Variants in M1AP observed in about 807,000 individuals in gnomAD.
M1AP encodes the protein meiosis 1 arrest protein.
M1AP carries 39 observed loss-of-function variants against 51.2 expected under a neutral mutation model. The observed-to-expected ratio is 0.76, with a 90% CI of 0.59 to 1.00. M1AP has a LOEUF of 1.00. M1AP is among the 50% of genes least tolerant of loss of function. The pLI, the probability that M1AP is intolerant of heterozygous loss-of-function variation, is 0.00. For synonymous variants in M1AP, 251 were observed against 249.2 expected, an observed-to-expected ratio of 1.01 and a Z score of -0.07; for missense variants, 545 against 641.2, an observed-to-expected ratio of 0.85 and a Z score of 1.62.
At chr2:74,630,787 G>C (rs1354075649) in intron 2 of M1AP, among the ~76,000 whole-genome samples, 3 of 152,088 alleles carry the variant, frequency 2.0e-5, no homozygotes, top group African/African-American at 7.2e-5. Flanking sequence ...TAGTGCTGCA[G>C]TAAACACATG....
In M1AP at chr2:74,639,917, T is replaced by TCGGGG. The variant is rs368121507; in HGVS notation, c.240+118_240+119insCCCCG. On this transcript the variant is annotated intron_variant, in intron 2 of 10. Coordinates refer to ENST00000421985, the MANE Select transcript of M1AP (RefSeq NM_001321739.2). Reference sequence around the variant, plus strand: ...TCTCATGGTGTTACTCGGGGGCTACTGTGTGTGGAGAAGTAGTGCGGTTAT... The same window carrying TCGGGG: ...TCTCATGGTGTTACTCGGGGGCTACTCGGGGGTGTGTGGAGAAGTAGTGCGGTTAT... 667 of 860,842 alleles carry TCGGGG rather than the reference T, an allele frequency of 7.7e-4. 4 individuals are homozygous for TCGGGG. In the African/African-American group the frequency reaches 9.6e-3, roughly 12 times the overall value. 53.3% of individuals were successfully genotyped at this position (860,842 alleles called of 1,614,324 possible).
intron 3 of M1AP, 107 bp from the exon 4 acceptor site, chr2:74,607,330 G>T: frequency 8.8e-7 from 1 of 1,131,670 alleles, no homozygotes; most frequent in Non-Finnish European, 1.3e-6. Context: ...CTGTGGTGGT[G>T]GCTATTATGT....
chr2:74,595,328 T>A (rs1177933110), intron 4 of M1AP, among the ~76,000 whole-genome samples: 3 of 152,220 alleles, frequency 2.0e-5, no homozygotes, highest in Non-Finnish European at 2.9e-5. Context: ...TTAAGTTTTT[T>A]AAAATACATG....
intron 1 of M1AP, among the ~76,000 whole-genome samples, chr2:74,646,064 T>G (rs541698922): frequency 6.6e-6 from 1 of 152,336 alleles, no homozygotes; most frequent in South Asian, 2.1e-4. Flanking sequence ...TATACTGATA[T>G]AGCGTACTGA....
At chr2:74,631,467 T>A (rs542458434) in intron 2 of M1AP, among the ~76,000 whole-genome samples, 105 of 152,308 alleles carry the variant, frequency 6.9e-4, no homozygotes, top group African/African-American at 2.4e-3. Flanking sequence ...TATTATATTA[T>A]CTTTCTTGGG....
At chr2:74,600,506 G>A (rs1483481442) in intron 4 of M1AP, among the ~76,000 whole-genome samples, 1 of 152,192 alleles carries the variant, frequency 6.6e-6, no homozygotes, top group Non-Finnish European at 1.5e-5. Context: ...AATTTATGAT[G>A]AAGATCCAGC....
intron 3 of M1AP, among the ~76,000 whole-genome samples, chr2:74,610,176 ATT>A (rs111535856): frequency 7.0e-6 from 1 of 142,560 alleles, no homozygotes; most frequent in Non-Finnish European, 1.5e-5. Flanking sequence ...TTATTTTTGT[ATT>A]TTTTTTTTTT....
rs568297168 is a variant in M1AP at position 74,583,611 on chromosome 2, G to A, written c.596-1764C>T. 4.6e-5 allele frequency among the ~76,000 whole-genome samples: 7 copies of A among 152,260 alleles called. No individual in the cohort carries two copies. The South Asian group carries it at 6.2e-4, about 14-fold the overall frequency. ...TCTACTTTCCTTGCTTCATCAGGAG[G>A]GATCTCTGAAATACTTTTACAAAGG... On this transcript the variant is annotated intron_variant, in intron 4 of 10. Transcript: ENST00000421985.
chr2:74,561,016 C>T (rs78351099), intron 8 of M1AP, among the ~76,000 whole-genome samples: 2,790 of 148,630 alleles, frequency 0.019, 94 homozygotes, highest in African/African-American at 0.065. Context: ...AATCCAGATC[C>T]CAGGAAGAGG....
chr2:74,558,682 T>G lies in M1AP; in HGVS notation c.*34A>C. On this transcript the variant is annotated 3_prime_UTR_variant, in exon 11 of 11. Coordinates refer to ENST00000421985, the MANE Select transcript of M1AP (RefSeq NM_001321739.2). ...TATGTGAACCTGAGCATGGATATGG[T>G]TAAGCTGGGCAGCTGGGCTCTGGTG... 6.2e-7 allele frequency: 1 copy of G among 1,610,000 alleles called. No homozygotes were observed. Among genetic ancestry groups the G allele is most frequent in the Non-Finnish European group, 8.5e-7 (1 of 1,178,296 alleles).
At position 74,581,748 on chromosome 2, in the gene M1AP, G is replaced by A. The variant is rs143088303; in HGVS notation, c.695C>T (p.Thr232Ile). Residue 232 changes from threonine (T) to isoleucine (I), a missense_variant, in exon 5 of 11, where the codon ACA becomes ATA. Transcript: ENST00000421985. ...FFKAWLHNSG[T>I]DQEQIHLLLS... is the part of the protein sequence containing the mutation. Reference sequence around the variant, plus strand: ...AAGAAGATGGATTTGTTCTTGGTCTGTTCCACTGTTATGTAGCCAGGCTTT... The same window carrying A: ...AAGAAGATGGATTTGTTCTTGGTCTATTCCACTGTTATGTAGCCAGGCTTT... 398 of 1,614,062 alleles carry A rather than the reference G, an allele frequency of 2.5e-4. 2 individuals carry two copies. The African/African-American group carries it at 4.5e-3, about 18-fold the overall frequency.
intron 1 of M1AP, chr2:74,647,490 A>C: frequency 1.3e-6 from 1 of 772,800 alleles, no homozygotes; most frequent in Non-Finnish European, 1.6e-6. Context: ...AAAAGATTAA[A>C]AGAAGTTAAT....
chr2:74,576,844 T>A (rs201458905), intron 5 of M1AP: 22 of 1,317,220 alleles, frequency 1.7e-5, no homozygotes, highest in Non-Finnish European at 2.2e-5. Context: ...TCGCTCTACA[T>A]AAAAGTTAAC....
chr2:74,622,889 A>G (rs916554462), intron 2 of M1AP, among the ~76,000 whole-genome samples: 1 of 151,558 alleles, frequency 6.6e-6, no homozygotes, highest in African/African-American at 2.4e-5. Flanking sequence ...GGGTAGAGAT[A>G]CCAATTAATT....
chr2:74,647,277 C>T, intron 1 of M1AP: 1 of 985,402 alleles, frequency 1.0e-6, no homozygotes, highest in Non-Finnish European at 1.2e-6. Flanking sequence ...AGATCCACCT[C>T]TCACAGATCG....
chr2:74,605,005 G>A (rs1018298014), intron 4 of M1AP, among the ~76,000 whole-genome samples: 5 of 151,934 alleles, frequency 3.3e-5, no homozygotes, highest in African/African-American at 9.7e-5. Flanking sequence ...AGGTCAGTTC[G>A]AGACCAGCCT....
At chr2:74,615,282 C>T (rs182586621) in intron 2 of M1AP, 133 bp from the exon 3 acceptor site, 1 of 770,616 alleles carries the variant, frequency 1.3e-6, no homozygotes, top group African/African-American at 1.8e-5. Flanking sequence ...CCAACATCTA[C>T]TGAATTCCTA....
At chr2:74,619,020 T>C in intron 2 of M1AP, 1 of 517,706 alleles carries the variant, frequency 1.9e-6, no homozygotes, top group Non-Finnish European at 3.9e-6. Context: ...TTCACGTCTG[T>C]ACTTCATCGG....
At chr2:74,615,876 T>C (rs968466695) in intron 2 of M1AP, 1 of 152,346 alleles carries the variant, frequency 6.6e-6, no homozygotes, top group Admixed American at 6.5e-5. Context: ...CATGCATCAA[T>C]AGCAGGTGGG....
Sources: gnomAD v4.1 joint callset for allele counts (sites outside exome capture counted in the v4.1 genomes callset) on GRCh38, gnomAD v4.1.1 for gene constraint, MANE v1.5 for transcripts, NCBI Gene and HGNC (gene_info 2026-07-23, HGNC 2026-07-21) for gene names.